Variants in NTM observed in about 807,000 individuals in gnomAD.
NTM encodes the protein neurotrimin, also known as IgLON family member 2.
A neutral mutation model predicts 42.1 loss-of-function variants in NTM; 13 were observed. The ratio of observed to expected loss-of-function variants is 0.31; its 90% CI spans 0.20 to 0.49. The LOEUF is 0.49. NTM is among the 20% of genes least tolerant of loss of function. NTM has a pLI of 0.99. For missense variants in NTM, 373 were observed against 452.8 expected (o/e 0.82, Z 1.60); for synonymous variants, 187 against 179.2 (o/e 1.04, Z -0.35).
intron 1 of NTM, among the ~76,000 whole-genome samples, chr11:131,720,588 G>C (rs888669000): frequency 6.6e-6 from 1 of 152,202 alleles, no homozygotes; most frequent in Non-Finnish European, 1.5e-5. Flanking sequence ...TGGTGGCAAT[G>C]TTGAGATTCA....
rs144477369 is a variant in NTM, at chr11:132,164,864, A to G, written c.400+18350A>G. ...ATCACTGGTTTCAATACCATCCAAC[A>G]AAGATGCCATGGAGATTGGAGCTTA... On this transcript the variant is annotated intron_variant, in intron 3 of 8. Transcript: ENST00000683400. Among the ~76,000 whole-genome samples, 442 of 152,282 alleles carry G rather than the reference A, an allele frequency of 2.9e-3. 2 individuals are homozygous for G. The highest frequency in any genetic ancestry group is 7.1e-3 in the Admixed American group (108 of 15,306).
At chr11:132,078,328 C>A (rs944787922) in intron 2 of NTM, among the ~76,000 whole-genome samples, 1 of 152,224 alleles carries the variant, frequency 6.6e-6, no homozygotes, top group Non-Finnish European at 1.5e-5. Flanking sequence ...AAATTGGTAG[C>A]ACAGGGTTAG....
At chr11:131,761,624 T>G (rs1318536222) in intron 1 of NTM, among the ~76,000 whole-genome samples, 1 of 151,870 alleles carries the variant, frequency 6.6e-6, no homozygotes, top group African/African-American at 2.4e-5. Context: ...CTGACCAACA[T>G]AGAGAAACCC....
intron 2 of NTM, chr11:132,141,003 A>G (rs930260416): frequency 1.3e-5 from 2 of 152,256 alleles, no homozygotes; most frequent in African/African-American, 4.8e-5. Context: ...TTAAAGGGCC[A>G]TTTGATAGAA....
intron 4 of NTM, among the ~76,000 whole-genome samples, chr11:132,255,904 C>T (rs2092431989): frequency 6.6e-6 from 1 of 152,098 alleles, no homozygotes. Context: ...ACATCTTCAC[C>T]TCGCTCCTCT....
intron 1 of NTM, among the ~76,000 whole-genome samples, chr11:131,799,596 G>A (rs897501324): frequency 2.0e-5 from 3 of 152,122 alleles, no homozygotes; most frequent in African/African-American, 4.8e-5. Context: ...AATACATCCC[G>A]GCTCAGTGGA....
At chr11:132,312,923 G>C in intron 6 of NTM, 1 of 152,430 alleles carries the variant, frequency 6.6e-6, no homozygotes, top group East Asian at 1.9e-4. Flanking sequence ...GTGGACTCAG[G>C]CCAGTTCATT....
intron 1 of NTM, among the ~76,000 whole-genome samples, chr11:131,692,949 G>A (rs933839585): frequency 6.6e-6 from 1 of 152,206 alleles, no homozygotes; most frequent in African/African-American, 2.4e-5. Context: ...AATGAATTTA[G>A]CTGGGATTCT....
rs527873479 is a variant in NTM, at chr11:131,911,423, C to G, written c.83-141C>G. Reference sequence around the variant, plus strand: ...CCGCACCCCACCCACTTCCTGTGCTCGCCCGGGGGGCGTGTGCCGTGCGGC... The same window carrying G: ...CCGCACCCCACCCACTTCCTGTGCTGGCCCGGGGGGCGTGTGCCGTGCGGC... On this transcript the variant is annotated intron_variant, in intron 1 of 8. Coordinates refer to ENST00000683400, the MANE Select transcript of NTM (RefSeq NM_001352005.2). 1,189 of 1,608,104 alleles carry G rather than the reference C, an allele frequency of 7.4e-4. 7 individuals are homozygous for G. The African/African-American group carries it at 0.014, about 19-fold the overall frequency.
intron 1 of NTM, among the ~76,000 whole-genome samples, chr11:131,831,124 T>G (rs528591092): frequency 6.6e-6 from 1 of 152,330 alleles, no homozygotes; most frequent in East Asian, 1.9e-4. Context: ...AAAGATAGTT[T>G]GACTTCTTTT....
chr11:131,432,040 G>A (rs1166172378), intron 1 of NTM, among the ~76,000 whole-genome samples: 1 of 152,172 alleles, frequency 6.6e-6, no homozygotes, highest in Non-Finnish European at 1.5e-5. Context: ...GAGTGCAGGA[G>A]GTTTTGAACC....
intron 1 of NTM, among the ~76,000 whole-genome samples, chr11:131,481,034 C>T (rs891013476): frequency 2.6e-5 from 4 of 151,942 alleles, no homozygotes; most frequent in Admixed American, 2.0e-4. Context: ...ATTTCTAGAC[C>T]GATGACTGCA....
At position 131,712,159 on chromosome 11, in the gene NTM, A is replaced by T. The variant is rs187937396; in HGVS notation, c.83-199405A>T. ...ATAATAAAATAAAAAATAAAAAAAT[A>T]AAAATTAAAAAATTAAAAAAAAAAA... On this transcript the variant is annotated intron_variant, in intron 1 of 8. Transcript: ENST00000683400. Among the ~76,000 whole-genome samples the T allele has an allele frequency of 1.8e-3, 254 of 142,974 alleles. 1 individual carries two copies. The highest frequency in any genetic ancestry group is 6.5e-3 in the African/African-American group (247 of 38,248). The allele number at this position is 142,974 out of a possible 152,430, so 93.8% of individuals were successfully genotyped here.
At chr11:131,855,654 C>G (rs559573508) in intron 1 of NTM, among the ~76,000 whole-genome samples, 1 of 152,174 alleles carries the variant, frequency 6.6e-6, no homozygotes, top group Non-Finnish European at 1.5e-5. Flanking sequence ...TAAATCAATG[C>G]CTTTTAACTT....
chr11:131,820,013 C>A (rs1462951189), intron 1 of NTM, among the ~76,000 whole-genome samples: 1 of 152,164 alleles, frequency 6.6e-6, no homozygotes, highest in Non-Finnish European at 1.5e-5. Flanking sequence ...AGTGACAAAG[C>A]CTTTACATGC....
chr11:131,949,154 A>T (rs2060702143), intron 2 of NTM, among the ~76,000 whole-genome samples: 1 of 152,212 alleles, frequency 6.6e-6, no homozygotes, highest in Non-Finnish European at 1.5e-5. Flanking sequence ...CACATATGGC[A>T]GATTTCTTTC....
intron 2 of NTM, among the ~76,000 whole-genome samples, chr11:132,051,400 T>G (rs552103833): frequency 2.2e-4 from 34 of 152,332 alleles, no homozygotes; most frequent in Non-Finnish European, 3.4e-4. Flanking sequence ...ATCTGGATCT[T>G]GAATCCGCAG....
intron 2 of NTM, among the ~76,000 whole-genome samples, chr11:132,128,823 C>A (rs1027122604): frequency 2.0e-5 from 3 of 150,664 alleles, no homozygotes; most frequent in East Asian, 3.9e-4. Flanking sequence ...CTGTAGTCCC[C>A]GCTACTCAGG....
intron 1 of NTM, among the ~76,000 whole-genome samples, chr11:131,585,008 G>A (rs1352378473): frequency 6.6e-6 from 1 of 150,844 alleles, no homozygotes; most frequent in Non-Finnish European, 1.5e-5. Context: ...TGCAGTGGGG[G>A]GGAAGCTGCA....
Sources: allele counts gnomAD v4.1 joint callset (sites outside exome capture counted in the v4.1 genomes callset), GRCh38; gene constraint gnomAD v4.1.1; transcripts MANE v1.5; gene names NCBI Gene and HGNC (gene_info 2026-07-23, HGNC 2026-07-21).